Variants in WDR64 observed in about 807,000 individuals in gnomAD.
WDR64 encodes the protein WD repeat-containing protein 64.
Under a neutral mutation model 139.3 loss-of-function variants are expected in WDR64, and 112 were observed. That is an observed-to-expected ratio of 0.80 (90% CI 0.69 to 0.94). The LOEUF (loss-of-function observed/expected upper bound fraction) is 0.94, where lower values mean the gene tolerates loss of function less well. WDR64 is among the 40% of genes least tolerant of loss of function. The pLI, the probability that WDR64 is intolerant of heterozygous loss-of-function variation, is 0.00. For synonymous variants in WDR64, 444 were observed against 437.7 expected (o/e 1.01, Z -0.18); for missense variants, 1,206 against 1,293.1 (o/e 0.93, Z 1.03).
In WDR64 at chr1:241,801,150, T is replaced by C. The variant is rs1307977168; in HGVS notation, c.3211T>C (p.Leu1071=). The part of the protein sequence containing the change: ...QREKAPRRRS[L]KKNLVPQINL... ...TTCACAGGCACCACGAAGAAGAAGT[T>C]TGAAAAAAAATTTAGTCCCACAAAT... The change falls in exon 28 of 28, where the codon TTG becomes CTG. Residue 1071 remains leucine (L), a synonymous_variant. Transcript: ENST00000437684. 6.2e-7 allele frequency: 1 copy of C among 1,613,594 alleles called. No homozygotes were observed. The highest frequency in any genetic ancestry group is 1.3e-5 in the African/African-American group (1 of 74,982).
Position 241,795,232 on chromosome 1 carries a change from T to C in WDR64, c.3023T>C (p.Phe1008Ser), listed in dbSNP as rs1268383014. Reference sequence around the variant, plus strand: ...ATTCGAAGATATCCCTTGGAAGGTTTCGTGACTGAAAACAGAGAGGCAGGG... The same window carrying C: ...ATTCGAAGATATCCCTTGGAAGGTTCCGTGACTGAAAACAGAGAGGCAGGG... Reference protein sequence around the residue: ...PKIRRYPLEGFVTENREAGIV... With the variant: ...PKIRRYPLEGSVTENREAGIV... The change falls in exon 26 of 28, where the codon TTC (phenylalanine) becomes TCC (serine). Residue 1008 changes from phenylalanine (F) to serine (S), a missense_variant. Phe to Ser is a radical substitution (Grantham distance 155). Transcript: ENST00000437684. The C allele has an allele frequency of 6.2e-7, 1 of 1,613,858 alleles. No homozygotes were observed.
chr1:241,689,243 C>T (rs572702883), intron 8 of WDR64, among the ~76,000 whole-genome samples: 1 of 152,112 alleles, frequency 6.6e-6, no homozygotes, highest in African/African-American at 2.4e-5. Context: ...TAAATCATGT[C>T]CAGCTATCAA....
chr1:241,782,274 G>A (rs1658872687), intron 22 of WDR64, among the ~76,000 whole-genome samples: 2 of 152,220 alleles, frequency 1.3e-5, no homozygotes, highest in African/African-American at 2.4e-5. Context: ...GCAACAGAGC[G>A]AGACTCTGTC....
At chr1:241,777,663 C>T (rs956414739) in intron 21 of WDR64, among the ~76,000 whole-genome samples, 1 of 152,096 alleles carries the variant, frequency 6.6e-6, no homozygotes, top group Non-Finnish European at 1.5e-5. Context: ...GGTGATCCAC[C>T]CACCTCAGCC....
At chr1:241,737,001 A>C (rs1367462165) in intron 10 of WDR64, among the ~76,000 whole-genome samples, 1 of 152,206 alleles carries the variant, frequency 6.6e-6, no homozygotes, top group African/African-American at 2.4e-5. Flanking sequence ...AATAAAAAAC[A>C]GTTTGCATAG....
chr1:241,661,740 G>C lies in WDR64; in HGVS notation c.276+1080G>C, dbSNP rs563876145. Reference sequence around the variant, plus strand: ...AGGTGGTTCAATATTAGAAAAGCCAGAAACGTACTTCATTTAACAAGTCAG... The same window carrying C: ...AGGTGGTTCAATATTAGAAAAGCCACAAACGTACTTCATTTAACAAGTCAG... On this transcript the variant is annotated intron_variant, in intron 2 of 27. Coordinates refer to ENST00000437684, the MANE Select transcript of WDR64 (RefSeq NM_001367482.1). 3.9e-5 allele frequency among the ~76,000 whole-genome samples: 6 copies of C among 152,318 alleles called. No homozygotes were observed. In the South Asian group the frequency reaches 1.2e-3, roughly 32 times the overall value.
At chr1:241,655,177 G>A (rs1411620678) in intron 1 of WDR64, among the ~76,000 whole-genome samples, 1 of 152,188 alleles carries the variant, frequency 6.6e-6, no homozygotes, top group Non-Finnish European at 1.5e-5. Flanking sequence ...GAAGTCAGGA[G>A]TTCAAGACCA....
intron 2 of WDR64, among the ~76,000 whole-genome samples, chr1:241,667,482 C>T (rs1666064925): frequency 6.6e-6 from 1 of 152,014 alleles, no homozygotes; most frequent in Non-Finnish European, 1.5e-5. Flanking sequence ...ATCAGTTAAC[C>T]TTAATATAAG....
At chr1:241,779,821 C>T (rs1658784205) in intron 21 of WDR64, among the ~76,000 whole-genome samples, 183 bp from the exon 22 acceptor site, 2 of 152,134 alleles carry the variant, frequency 1.3e-5, no homozygotes, top group South Asian at 4.1e-4. Flanking sequence ...CAAAGCGAGA[C>T]TCCATCTCAA....
chr1:241,734,546 T>C (rs1386563839), intron 10 of WDR64, among the ~76,000 whole-genome samples: 1 of 152,152 alleles, frequency 6.6e-6, no homozygotes, highest in Non-Finnish European at 1.5e-5. Context: ...AAATGTATTG[T>C]CTGTACAATG....
At chr1:241,655,980 C>T (rs966957780) in intron 1 of WDR64, among the ~76,000 whole-genome samples, 6 of 152,136 alleles carry the variant, frequency 3.9e-5, no homozygotes, top group Non-Finnish European at 7.3e-5. Flanking sequence ...GGCCTGGTGT[C>T]CAGAAGGTAC....
At chr1:241,728,823 CTTTT>C (rs66478639) in intron 10 of WDR64, among the ~76,000 whole-genome samples, 1 of 148,630 alleles carries the variant, frequency 6.7e-6, no homozygotes, top group African/African-American at 2.5e-5. Context: ...TTCTCTTCTT[CTTTT>C]TTTTTTTCTA....
chr1:241,768,210 T>G (rs1658266049), intron 16 of WDR64, among the ~76,000 whole-genome samples: 1 of 152,220 alleles, frequency 6.6e-6, no homozygotes, highest in African/African-American at 2.4e-5. Flanking sequence ...CAACCAAGTA[T>G]AGTGTGGGTC....
Position 241,660,640 on chromosome 1 carries a change from G to A in WDR64, c.256G>A (p.Ala86Thr), listed in dbSNP as rs1261277088. Residue 86 changes from alanine (A) to threonine (T), a missense_variant, in exon 2 of 28, where the codon GCA (alanine) becomes ACA (threonine). Coordinates refer to ENST00000437684, the MANE Select transcript of WDR64 (RefSeq NM_001367482.1). Reference protein sequence around the residue: ...FYRKLCNNTDASADWCEIFGY... With the variant: ...FYRKLCNNTDTSADWCEIFGY... ...CAGGAAACTGTGCAACAACACGGAT[G>A]CATCTGCAGACTGGTGTGAGGTAGA... 1.3e-6 allele frequency: 2 copies of A among 1,551,380 alleles called. No individual in the cohort carries two copies. The highest frequency in any genetic ancestry group is 1.4e-5 in the African/African-American group (1 of 73,042).
intron 9 of WDR64, among the ~76,000 whole-genome samples, chr1:241,721,790 A>G (rs1482216049): frequency 6.6e-6 from 1 of 152,188 alleles, no homozygotes; most frequent in African/African-American, 2.4e-5. Context: ...TTTTGGAAAC[A>G]TAATTAGATT....
At chr1:241,687,660 C>T in intron 8 of WDR64, 65 bp downstream of exon 8, 2 of 1,469,266 alleles carry the variant, frequency 1.4e-6, no homozygotes, top group Admixed American at 2.2e-5. Flanking sequence ...ATGATAAAAC[C>T]ATGACAGCTT....
intron 16 of WDR64, among the ~76,000 whole-genome samples, chr1:241,766,731 C>A (rs1574081423): frequency 6.7e-6 from 1 of 149,112 alleles, no homozygotes; most frequent in African/African-American, 2.5e-5. Context: ...CCTCAGGGGA[C>A]AAAAAAGCAA....
chr1:241,700,178 T>TA (rs1558478984), intron 8 of WDR64, among the ~76,000 whole-genome samples: 2 of 150,316 alleles, frequency 1.3e-5, no homozygotes, highest in South Asian at 2.1e-4. Flanking sequence ...CTTTTTTTTT[T>TA]ATCCTTAACA....
rs183791133 is a variant in WDR64 at position 241,796,980 on chromosome 1, C to T, written c.3192+610C>T. The stretch of plus-strand genomic sequence containing the variant: ...GTTTTAGAAACTAGGAGATTTGACA[C>T]GACATAGAGGAGGGCTGTATAACCA... On this transcript the variant is annotated intron_variant, in intron 27 of 27. Transcript: ENST00000437684. Among the ~76,000 whole-genome samples, 236 of 152,216 alleles carry T rather than the reference C, an allele frequency of 1.6e-3. 1 individual carries two copies. Among genetic ancestry groups the T allele is most frequent in the Middle Eastern group, 6.8e-3 (2 of 294 alleles).
Sources: gnomAD v4.1 joint callset for allele counts (sites outside exome capture counted in the v4.1 genomes callset) on GRCh38, gnomAD v4.1.1 for gene constraint, MANE v1.5 for transcripts, NCBI Gene and HGNC (gene_info 2026-07-23, HGNC 2026-07-21) for gene names.